The following PSD3 variants were observed in gnomAD, a reference collection of about 807,000 sequenced individuals.
The protein encoded by PSD3 is pleckstrin and Sec7 domain containing 3, also known as PH and SEC7 domain-containing protein 3.
Under a neutral mutation model 105.5 loss-of-function variants are expected in PSD3, and 49 were observed. The observed-to-expected ratio is 0.46, with a 90% CI of 0.37 to 0.59. The LOEUF is 0.59. Among genes scored for constraint, PSD3 ranks in the 20% least tolerant of loss-of-function variants. The pLI is 0.00. For missense variants in PSD3, 1,561 were observed against 1,263.8 expected (o/e 1.24, Z -3.57); for synonymous variants, 557 against 457.8 (o/e 1.22, Z -2.77).
At position 18,538,665 on chromosome 8, in the gene PSD3, G is replaced by C. The variant is rs372366045; in HGVS notation, c.2929-2707C>G. Among the ~76,000 whole-genome samples, 36 of 152,306 alleles carry C rather than the reference G, an allele frequency of 2.4e-4. 1 individual carries two copies. The highest frequency in any genetic ancestry group is 8.2e-4 in the African/African-American group (34 of 41,566). On this transcript the variant is annotated intron_variant, in intron 15 of 15. Coordinates refer to ENST00000327040, the MANE Select transcript of PSD3 (RefSeq NM_015310.4). ...AAAAATTGTTTAGATCACTTGAAAG[G>C]GGACAAAAGGAGAAAAGATGATAGG...
rs183671484 is a variant in PSD3, at chr8:18,942,935, G to A, written c.22-6793C>T. On this transcript the variant is annotated intron_variant, in intron 1 of 15. Coordinates refer to ENST00000327040, the MANE Select transcript of PSD3 (RefSeq NM_015310.4). ...GCTATTCCCTTTTAATAAGCAAAAG[G>A]GTCTGGATGAGAAGGTATATCCTTG... is the stretch of plus-strand genomic sequence containing the variant. 2.0e-5 allele frequency among the ~76,000 whole-genome samples: 3 copies of A among 152,236 alleles called. No individual in the cohort carries two copies. The East Asian group carries it at 5.8e-4, about 29-fold the overall frequency.
intron 1 of PSD3, among the ~76,000 whole-genome samples, chr8:19,007,278 G>C (rs1389066715): frequency 1.3e-5 from 2 of 151,848 alleles, no homozygotes; most frequent in African/African-American, 4.8e-5. Flanking sequence ...GAGAGAGTGA[G>C]AAATGACAGC....
chr8:19,002,497 G>A (rs1248998354), intron 1 of PSD3, among the ~76,000 whole-genome samples: 1 of 151,948 alleles, frequency 6.6e-6, no homozygotes, highest in Admixed American at 6.6e-5. Context: ...AAGATTGATT[G>A]TGATGGTCAT....
At chr8:18,577,545 G>C (rs1030252454) in intron 12 of PSD3, among the ~76,000 whole-genome samples, 4 of 151,840 alleles carry the variant, frequency 2.6e-5, no homozygotes, top group Admixed American at 2.6e-4. Context: ...ATGTTGTCTG[G>C]TGCATTTAGG....
chr8:18,604,825 C>A (rs1479402704), intron 11 of PSD3, among the ~76,000 whole-genome samples: 2 of 152,232 alleles, frequency 1.3e-5, no homozygotes, highest in Non-Finnish European at 2.9e-5. Context: ...ACAGCTTGGG[C>A]TGCTGCTACA....
chr8:18,770,603 C>G (rs552354419), intron 8 of PSD3, among the ~76,000 whole-genome samples: 1 of 152,186 alleles, frequency 6.6e-6, no homozygotes, highest in Non-Finnish European at 1.5e-5. Flanking sequence ...TACGGCAGCT[C>G]GGGCAAATGC....
At chr8:18,622,557 A>G (rs1166501115) in intron 11 of PSD3, among the ~76,000 whole-genome samples, 2 of 152,114 alleles carry the variant, frequency 1.3e-5, no homozygotes, top group Non-Finnish European at 2.9e-5. Context: ...TAACATTATT[A>G]TTATTTTAGT....
At chr8:18,913,485 G>A (rs1820380905) in intron 2 of PSD3, among the ~76,000 whole-genome samples, 1 of 152,066 alleles carries the variant, frequency 6.6e-6, no homozygotes, top group Non-Finnish European at 1.5e-5. Flanking sequence ...CCAGAAACCA[G>A]TCTGGCCCTT....
intron 2 of PSD3, among the ~76,000 whole-genome samples, chr8:18,911,844 C>G (rs551633738): frequency 6.6e-6 from 1 of 152,272 alleles, no homozygotes; most frequent in Non-Finnish European, 1.5e-5. Flanking sequence ...AAGCAGAGAA[C>G]TCAGGTTTGA....
intron 2 of PSD3, among the ~76,000 whole-genome samples, chr8:18,908,134 T>C (rs1467276802): frequency 1.3e-5 from 2 of 152,186 alleles, no homozygotes; most frequent in African/African-American, 4.8e-5. Flanking sequence ...TGTAGTTTCA[T>C]CTCTGTTGGC....
intron 1 of PSD3, among the ~76,000 whole-genome samples, chr8:18,981,721 G>A (rs1017150286): frequency 3.3e-5 from 5 of 152,252 alleles, no homozygotes; most frequent in East Asian, 3.9e-4. Context: ...ATTAACTGTG[G>A]AAGAGCATTC....
At chr8:18,725,824 A>G (rs1392375732) in intron 9 of PSD3, among the ~76,000 whole-genome samples, 1 of 152,230 alleles carries the variant, frequency 6.6e-6, no homozygotes, top group Non-Finnish European at 1.5e-5. Context: ...GAAACAAGTT[A>G]TAAAAGAGAG....
chr8:19,045,111 G>A (rs1896203), intron 1 of PSD3, among the ~76,000 whole-genome samples: 27,857 of 152,072 alleles, frequency 0.18, 4,068 homozygotes, highest in African/African-American at 0.41. Flanking sequence ...CTTGAACCCC[G>A]GAGGCAGAGG....
At chr8:18,563,450 G>A (rs1420468956) in intron 14 of PSD3, among the ~76,000 whole-genome samples, 1 of 152,062 alleles carries the variant, frequency 6.6e-6, no homozygotes, top group Non-Finnish European at 1.5e-5. Context: ...CTAGGGATCC[G>A]CAGTGCAACT....
At chr8:18,716,519 C>T (rs1307480125) in intron 9 of PSD3, among the ~76,000 whole-genome samples, 3 of 152,060 alleles carry the variant, frequency 2.0e-5, no homozygotes, top group Non-Finnish European at 4.4e-5. Context: ...GCAAGATGGC[C>T]AGGGTGGCTG....
At position 18,713,444 on chromosome 8, in the gene PSD3, C is replaced by T. The variant is rs148449201; in HGVS notation, c.2172+52005G>A. Among the ~76,000 whole-genome samples, 1,435 of 152,180 alleles carry T rather than the reference C, an allele frequency of 9.4e-3. 28 individuals are homozygous for T. The highest frequency in any genetic ancestry group is 0.033 in the African/African-American group (1,381 of 41,508). ...GTCACTTCAGCAATGTCTCAGGATA[C>T]AAAATCAATGTGCAAAAATGATAAG... On this transcript the variant is annotated intron_variant, in intron 9 of 15. Coordinates refer to ENST00000327040, the MANE Select transcript of PSD3 (RefSeq NM_015310.4).
intron 8 of PSD3, among the ~76,000 whole-genome samples, chr8:18,766,586 A>G (rs1807021284): frequency 6.6e-6 from 1 of 152,196 alleles, no homozygotes; most frequent in African/African-American, 2.4e-5. Context: ...TTATGCATTT[A>G]TTTGTGTTAC....
intron 9 of PSD3, among the ~76,000 whole-genome samples, chr8:18,706,424 AAAC>A (rs1309921490): frequency 6.6e-6 from 1 of 152,234 alleles, no homozygotes. Flanking sequence ...GAAAACCTTA[AAAC>A]AACAGGATAG....
At chr8:19,019,054 C>T (rs1827272792) in intron 1 of PSD3, among the ~76,000 whole-genome samples, 1 of 152,148 alleles carries the variant, frequency 6.6e-6, no homozygotes, top group African/African-American at 2.4e-5. Context: ...CTCGGTCTCC[C>T]AAAAGGCTGG....
Sources: allele counts gnomAD v4.1 joint callset (sites outside exome capture counted in the v4.1 genomes callset), GRCh38; gene constraint gnomAD v4.1.1; transcripts MANE v1.5; gene names NCBI Gene and HGNC (gene_info 2026-07-23, HGNC 2026-07-21).